Variants in MAMSTR observed in about 807,000 individuals in gnomAD.
The protein encoded by MAMSTR is MEF2 activating motif and SAP domain containing transcriptional regulator.
Under a neutral mutation model 42.7 loss-of-function variants are expected in MAMSTR, and 41 were observed. The ratio of observed to expected loss-of-function variants is 0.96; its 90% CI spans 0.75 to 1.25. The LOEUF is 1.25. Ranked by LOEUF, MAMSTR falls within the 50% of genes most tolerant of loss-of-function variation. The pLI is 0.00. For missense variants in MAMSTR, 567 were observed against 557.6 expected, an observed-to-expected ratio of 1.02 and a Z score of -0.17; for synonymous variants, 265 against 244.1, an observed-to-expected ratio of 1.09 and a Z score of -0.80.
intron 2 of MAMSTR, among the ~76,000 whole-genome samples, chr19:48,718,344 A>G (rs573804175): frequency 5.6e-4 from 84 of 150,292 alleles, no homozygotes; most frequent in African/African-American, 1.9e-3. Flanking sequence ...TTGCCTTCTC[A>G]GGAACTGATC....
chr19:48,707,826 CAAAG>C (rs1301724225), downstream of MAMSTR, among the ~76,000 whole-genome samples: 3 of 37,160 alleles, frequency 8.1e-5, no homozygotes, highest in Admixed American at 2.8e-4. Context: ...GAAAGAAAGA[CAAAG>C]AAAGAAAGGA....
chr19:48,712,474 T>A (rs1033558090), downstream of MAMSTR, among the ~76,000 whole-genome samples: 1 of 150,952 alleles, frequency 6.6e-6, no homozygotes, highest in Non-Finnish European at 1.5e-5. Flanking sequence ...CAGGCTGGAG[T>A]GCAATGGAGC....
chr19:48,707,905 G>GAAGAAAGAAAGAAAA (rs1555755235), downstream of MAMSTR, among the ~76,000 whole-genome samples: 56 of 105,516 alleles, frequency 5.3e-4, no homozygotes, highest in Non-Finnish European at 8.0e-4. Flanking sequence ...AGAAAGAAAG[G>GAAGAAAGAAAGAAAA]AAGAAAGAAA....
intron 3 of MAMSTR, among the ~76,000 whole-genome samples, chr19:48,716,448 T>C (rs2033038863): frequency 6.7e-6 from 1 of 149,690 alleles, no homozygotes; most frequent in African/African-American, 2.5e-5. Context: ...AGGATGCCTG[T>C]CTTCTCCAAA....
At chr19:48,716,419 T>C (rs1264485346) in intron 3 of MAMSTR, among the ~76,000 whole-genome samples, 4 of 146,026 alleles carry the variant, frequency 2.7e-5, no homozygotes, top group Non-Finnish European at 6.0e-5. Context: ...GCTTCTCATG[T>C]ATACCAAATG....
At chr19:48,718,891 G>A in intron 2 of MAMSTR, 83 bp downstream of exon 2, 1 of 1,327,630 alleles carries the variant, frequency 7.5e-7, no homozygotes, top group Middle Eastern at 1.8e-4. Flanking sequence ...GGCCTCATGG[G>A]ACCTACCACC....
downstream of MAMSTR, among the ~76,000 whole-genome samples, chr19:48,708,828 A>C (rs2032688839): frequency 6.6e-6 from 1 of 152,102 alleles, no homozygotes; most frequent in African/African-American, 2.4e-5. Context: ...TGACGGATGC[A>C]GCAGGGATAA....
rs558390287 is a variant in MAMSTR at position 48,714,073 on chromosome 19, A to G, written c.724-28T>C. 6.9e-5 allele frequency: 106 copies of G among 1,542,282 alleles called. No homozygotes were observed. In the African/African-American group the frequency reaches 1.2e-3, roughly 17 times the overall value. On this transcript the variant is annotated intron_variant, in intron 7 of 9. Transcript: ENST00000318083. ...AGAGCAGCCAAGAGGGCGAGCGCCCATAAGCCATGCCCACAGGGCGCAACC... is the reference window on the plus strand; with the variant it reads ...AGAGCAGCCAAGAGGGCGAGCGCCCGTAAGCCATGCCCACAGGGCGCAACC...
Position 48,712,963 on chromosome 19 carries a change from G to C in MAMSTR, c.*304C>G, listed in dbSNP as rs1232803721. The stretch of plus-strand genomic sequence containing the variant: ...CAAACAACAGGGAGCCATCTACCGG[G>C]GTCGGGGGCATGTAAGAACATCCAT... On this transcript the variant is annotated 3_prime_UTR_variant, in exon 10 of 10. Transcript: ENST00000318083. 1 of 293,010 alleles carries C rather than the reference G, an allele frequency of 3.4e-6. No homozygotes were observed. Among genetic ancestry groups the C allele is most frequent in the Non-Finnish European group, 6.3e-6 (1 of 159,570 alleles). The allele number at this position is 293,010 out of a possible 1,614,324, so 18.2% of individuals were successfully genotyped here. A position where few individuals can be genotyped will look rare whatever the true frequency, so the allele number is the denominator to read the frequency against.
At chr19:48,718,935 G>T (rs2122379335) in intron 2 of MAMSTR, 39 bp downstream of exon 2, 1 of 1,440,418 alleles carries the variant, frequency 6.9e-7, no homozygotes, top group Non-Finnish European at 9.5e-7. Context: ...AGCATTCTCA[G>T]GATCCCATCC....
rs979064522 is a variant in MAMSTR at position 48,716,731 on chromosome 19, C to T, written c.71G>A (p.Arg24Gln). Reference sequence around the variant, plus strand: ...CTGCTCCTGATTCCGTCTGTGGATCCGAAGCTGGAGGACTGTGGAGGGAGG... The same window carrying T: ...CTGCTCCTGATTCCGTCTGTGGATCTGAAGCTGGAGGACTGTGGAGGGAGG... Reference protein sequence around the residue: ...RSKFRSVLQLRIHRRNQEQIS... With the variant: ...RSKFRSVLQLQIHRRNQEQIS... The change falls in exon 3 of 10, where the codon CGG becomes CAG. Residue 24 changes from arginine (R) to glutamine (Q), a missense_variant. Physicochemically the swap from Arg to Gln is conservative, Grantham distance 43 (BLOSUM62 1). Coordinates refer to ENST00000318083, the MANE Select transcript of MAMSTR (RefSeq NM_001130915.2). The T allele has an allele frequency of 8.3e-6, 11 of 1,331,300 alleles. No individual in the cohort carries two copies. The highest frequency in any genetic ancestry group is 2.2e-5 in the South Asian group (1 of 46,492). The allele number at this position is 1,331,300 out of a possible 1,614,324, so 82.5% of individuals were successfully genotyped here.
downstream of MAMSTR, among the ~76,000 whole-genome samples, chr19:48,711,846 C>T (rs555061719): frequency 2.7e-5 from 4 of 149,116 alleles, no homozygotes; most frequent in Middle Eastern, 3.5e-3. Flanking sequence ...CCCGGGTTCA[C>T]GCCATTCTCC....
chr19:48,706,834 C>T, the MAMSTR span, among the ~76,000 whole-genome samples: 1 of 152,166 alleles, frequency 6.6e-6, no homozygotes, highest in Non-Finnish European at 1.5e-5. Context: ...CAGTGGCTCA[C>T]GCCTGTAATC....
chr19:48,714,741 G>A, intron 6 of MAMSTR, 65 bp downstream of exon 6: 1 of 1,378,974 alleles, frequency 7.3e-7, no homozygotes, highest in East Asian at 2.3e-5. Context: ...AGAGGCTGCG[G>A]GGTTGGAATT....
At chr19:48,715,526 T>A in intron 4 of MAMSTR, 80 bp from the exon 5 acceptor site, 1 of 1,468,274 alleles carries the variant, frequency 6.8e-7, no homozygotes, top group Non-Finnish European at 9.0e-7. Context: ...AAGTATGGGG[T>A]CAGCTCGGTG....
chr19:48,713,590 G>A (rs2032822354), intron 9 of MAMSTR, 40 bp from the exon 10 acceptor site: 4 of 1,600,138 alleles, frequency 2.5e-6, no homozygotes, highest in Non-Finnish European at 3.4e-6. Flanking sequence ...GGAAAGTCAG[G>A]GGTCCGGGCG....
chr19:48,706,270 G>C, the MAMSTR span, among the ~76,000 whole-genome samples: 8 of 140,700 alleles, frequency 5.7e-5, no homozygotes, highest in African/African-American at 8.2e-5. Flanking sequence ...CTGGACAACA[G>C]AGTGAGACTC....
At chr19:48,706,726 AC>A in the MAMSTR span, among the ~76,000 whole-genome samples, 1 of 152,256 alleles carries the variant, frequency 6.6e-6, no homozygotes, top group East Asian at 1.9e-4. Flanking sequence ...CATACTGTGC[AC>A]CTATCATGTA....
chr19:48,707,334 T>G, the MAMSTR span, among the ~76,000 whole-genome samples: 1 of 151,526 alleles, frequency 6.6e-6, no homozygotes. Flanking sequence ...GAGAACTGCT[T>G]GAATCCGGGA....
Sources: gnomAD v4.1 joint callset for allele counts (sites outside exome capture counted in the v4.1 genomes callset) on GRCh38, gnomAD v4.1.1 for gene constraint, MANE v1.5 for transcripts, NCBI Gene and HGNC (gene_info 2026-07-23, HGNC 2026-07-21) for gene names.